Variants in DENND1A observed in about 807,000 individuals in gnomAD.
DENND1A encodes DENN domain containing 1A.
In DENND1A, 51 loss-of-function variants were observed where a neutral mutation model predicts 113.7. The ratio of observed to expected loss-of-function variants is 0.45; its 90% CI spans 0.36 to 0.57. DENND1A has a LOEUF of 0.57. Ranked by LOEUF, DENND1A falls within the 20% of genes least tolerant of loss-of-function variation. The probability of loss-of-function intolerance (pLI) is 0.00; values close to 1 mark genes in which losing one functional copy is unlikely to be tolerated. For synonymous variants in DENND1A, 565 were observed against 570.8 expected (o/e 0.99, Z 0.14); for missense variants, 1,258 against 1,395.9 (o/e 0.90, Z 1.57).
chr9:123,571,887 A>C (rs2058375872), intron 12 of DENND1A, among the ~76,000 whole-genome samples: 1 of 152,194 alleles, frequency 6.6e-6, no homozygotes, highest in East Asian at 1.9e-4. Flanking sequence ...TGTTTTCCAA[A>C]GTGGTTGTAC....
At chr9:123,682,977 T>C (rs759826240) in intron 5 of DENND1A, among the ~76,000 whole-genome samples, 45 of 152,306 alleles carry the variant, frequency 3.0e-4, no homozygotes, top group Non-Finnish European at 5.3e-4. Context: ...ACAATGTGAC[T>C]GCTTCAAACA....
chr9:123,830,873 G>GAAAAAAA (rs71390447), intron 2 of DENND1A, among the ~76,000 whole-genome samples: 20 of 39,310 alleles, frequency 5.1e-4, no homozygotes, highest in Non-Finnish European at 7.3e-4. Flanking sequence ...TCTCAAAAAT[G>GAAAAAAA]AAAAAAAAAA....
At chr9:123,708,049 G>A (rs2066344188) in intron 5 of DENND1A, among the ~76,000 whole-genome samples, 1 of 152,142 alleles carries the variant, frequency 6.6e-6, no homozygotes, top group South Asian at 2.1e-4. Flanking sequence ...TAGCGTATAC[G>A]GGTGAAGTTG....
intron 2 of DENND1A, among the ~76,000 whole-genome samples, chr9:123,815,422 T>C (rs1837285751): frequency 6.6e-6 from 1 of 152,182 alleles, no homozygotes; most frequent in African/African-American, 2.4e-5. Context: ...GAAACAACTT[T>C]AACACACTAA....
rs761228707 is a variant in DENND1A, at chr9:123,382,465, T to A, written c.2180A>T (p.Asn727Ile). Reference protein sequence around the residue: ...SPEKPSALLGNSLALPRRPQN... With the variant: ...SPEKPSALLGISLALPRRPQN... Reference sequence around the variant, plus strand: ...GGGCCTTCGAGGCAGGGCCAGGGAGTTTCCGAGCAGGGCTGAGGGCTTCTC... The same window carrying A: ...GGGCCTTCGAGGCAGGGCCAGGGAGATTCCGAGCAGGGCTGAGGGCTTCTC... The change falls in exon 24 of 24, where the codon AAC (asparagine) becomes ATC (isoleucine). Residue 727 changes from asparagine (N) to isoleucine (I), a missense_variant. By Grantham distance (149) the Asn-to-Ile change is moderately radical. This residue lies in a region of DENND1A where 1,159 missense variants were observed against 1,231.7 expected (regional missense o/e 0.94). Transcript: ENST00000394215. The A allele has an allele frequency of 6.2e-7, 1 of 1,613,044 alleles. No individual in the cohort carries two copies. Among genetic ancestry groups the A allele is most frequent in the Non-Finnish European group, 8.5e-7 (1 of 1,179,608 alleles).
intron 19 of DENND1A, among the ~76,000 whole-genome samples, chr9:123,417,614 T>C (rs1444804792): frequency 6.6e-6 from 1 of 152,250 alleles, no homozygotes; most frequent in Non-Finnish European, 1.5e-5. Flanking sequence ...GACACGGTTC[T>C]TCTAATCCTT....
chr9:123,787,970 T>C (rs535137225), intron 3 of DENND1A, among the ~76,000 whole-genome samples: 23 of 152,210 alleles, frequency 1.5e-4, no homozygotes, highest in Non-Finnish European at 3.1e-4. Flanking sequence ...TACCTGCAAC[T>C]CTAAACAGCA....
intron 20 of DENND1A, among the ~76,000 whole-genome samples, chr9:123,406,590 T>C (rs1048046978): frequency 6.6e-6 from 1 of 152,244 alleles, no homozygotes; most frequent in Admixed American, 6.5e-5. Flanking sequence ...GAGAAGTGCA[T>C]AATGACGCTG....
intron 6 of DENND1A, among the ~76,000 whole-genome samples, chr9:123,676,335 A>C (rs2064075697): frequency 6.6e-6 from 1 of 152,212 alleles, no homozygotes. Context: ...CAAACCCCAG[A>C]TCTGCAGCAT....
intron 13 of DENND1A, among the ~76,000 whole-genome samples, chr9:123,506,192 GA>G (rs1396029262): frequency 1.3e-5 from 2 of 152,134 alleles, no homozygotes; most frequent in Non-Finnish European, 1.5e-5. Flanking sequence ...CTGCACAACA[GA>G]AAAAATAATA....
chr9:123,637,910 AACAC>A (rs10539797), intron 9 of DENND1A, among the ~76,000 whole-genome samples: 63,542 of 145,932 alleles, frequency 0.44, 14,173 homozygotes, highest in African/African-American at 0.57. Flanking sequence ...GGAAGGAATA[AACAC>A]ACACACACAC....
intron 13 of DENND1A, among the ~76,000 whole-genome samples, chr9:123,468,215 T>C (rs567253725): frequency 2.1e-4 from 32 of 152,274 alleles, no homozygotes; most frequent in Non-Finnish European, 3.7e-4. Context: ...TCCTCATTCT[T>C]GTCACATGTA....
intron 1 of DENND1A, among the ~76,000 whole-genome samples, chr9:123,895,664 A>G (rs1850636935): frequency 6.6e-6 from 1 of 151,980 alleles, no homozygotes; most frequent in South Asian, 2.1e-4. Context: ...AGATTCAGAC[A>G]AAGAACTAAG....
intron 13 of DENND1A, among the ~76,000 whole-genome samples, chr9:123,543,882 A>C (rs995293758): frequency 3.6e-5 from 5 of 137,214 alleles, no homozygotes; most frequent in Admixed American, 7.1e-5. Context: ...ACTGTCTTTA[A>C]CAGTGACCAG....
At chr9:123,430,979 G>A (rs982633238) in intron 19 of DENND1A, among the ~76,000 whole-genome samples, 1 of 152,074 alleles carries the variant, frequency 6.6e-6, no homozygotes, top group Non-Finnish European at 1.5e-5. Flanking sequence ...CTCTAGCCTG[G>A]GTGACAGAGT....
At chr9:123,440,254 C>A in intron 19 of DENND1A, 106 bp downstream of exon 19, 2 of 1,324,820 alleles carry the variant, frequency 1.5e-6, no homozygotes, top group Non-Finnish European at 2.0e-6. Context: ...AGCTGCACTG[C>A]CAAAGAGAAC....
chr9:123,583,537 G>C (rs567343388), intron 11 of DENND1A, among the ~76,000 whole-genome samples: 1 of 152,260 alleles, frequency 6.6e-6, no homozygotes, highest in African/African-American at 2.4e-5. Context: ...CACATAGCCA[G>C]AAAGTAAGAG....
At chr9:123,435,541 C>T (rs2046453366) in intron 19 of DENND1A, among the ~76,000 whole-genome samples, 1 of 152,248 alleles carries the variant, frequency 6.6e-6, no homozygotes, top group African/African-American at 2.4e-5. Context: ...ACAGAGGCAG[C>T]ACCTTTCAAT....
Position 123,739,025 on chromosome 9 carries a change from A to G in DENND1A, c.302+18678T>C, listed in dbSNP as rs536860298. 3.6e-4 allele frequency among the ~76,000 whole-genome samples: 55 copies of G among 152,354 alleles called. 2 individuals carry two copies. The highest frequency in any genetic ancestry group is 2.7e-3 in the Admixed American group (41 of 15,296). On this transcript the variant is annotated intron_variant, in intron 5 of 23. Coordinates refer to ENST00000394215, the MANE Select transcript of DENND1A (RefSeq NM_001352964.2). ...TAAAAACCTTTCGTGTGGCTTTTAG[A>G]TAGAATGTCACATTCCAGCCTTCAT...
Sources: gnomAD v4.1 joint callset for allele counts (sites outside exome capture counted in the v4.1 genomes callset) on GRCh38, gnomAD v4.1.1 for gene constraint, gnomAD v4.1.1 regional missense constraint, MANE v1.5 for transcripts, NCBI Gene and HGNC (gene_info 2026-07-23, HGNC 2026-07-21) for gene names.